Variants in PI4KB observed in about 807,000 individuals in gnomAD.
PI4KB encodes phosphatidylinositol 4-kinase beta.
PI4KB carries 23 observed loss-of-function variants against 81.4 expected under a neutral mutation model. The ratio of observed to expected loss-of-function variants is 0.28; its 90% confidence interval spans 0.20 to 0.40. The LOEUF is 0.40. PI4KB is among the 10% of genes least tolerant of loss of function. PI4KB has a pLI of 1.00. For missense variants in PI4KB, 651 were observed against 1,036.6 expected, an observed-to-expected ratio of 0.63 and a Z score of 5.11; for synonymous variants, 381 against 406.8, an observed-to-expected ratio of 0.94 and a Z score of 0.76.
intron 10 of PI4KB, 127 bp downstream of exon 10, chr1:151,294,282 C>T: frequency 6.8e-7 from 1 of 1,460,524 alleles, no homozygotes; most frequent in Middle Eastern, 2.1e-4. Flanking sequence ...CCCAGGAACT[C>T]CTGCCTCACC....
intron 6 of PI4KB, among the ~76,000 whole-genome samples, chr1:151,302,998 T>C (rs1468379451): frequency 7.0e-6 from 1 of 143,038 alleles, no homozygotes; most frequent in African/African-American, 2.6e-5. Flanking sequence ...CTTTCTTGTT[T>C]TTTTTTTTTT....
intron 1 of PI4KB, among the ~76,000 whole-genome samples, chr1:151,322,313 A>T (rs1382356094): frequency 6.6e-6 from 1 of 152,198 alleles, no homozygotes; most frequent in African/African-American, 2.4e-5. Flanking sequence ...AGATATACAC[A>T]TATGTTCTGT....
chr1:151,293,916 C>T (rs760448823), intron 11 of PI4KB, 102 bp downstream of exon 11: 1 of 1,314,352 alleles, frequency 7.6e-7, no homozygotes, highest in Non-Finnish European at 1.1e-6. Context: ...GAACCCCCCT[C>T]CCTCAACCGA....
rs12042270 is a variant in PI4KB at position 151,315,905 on chromosome 1, C to A, written c.577G>T (p.Ala193Ser). 6.2e-7 allele frequency: 1 copy of A among 1,614,038 alleles called. No homozygotes were observed. Among genetic ancestry groups the A allele is most frequent in the Non-Finnish European group, 8.5e-7 (1 of 1,179,954 alleles). The change falls in exon 2 of 12, where the codon GCC becomes TCC. Residue 193 changes from alanine to serine, a missense_variant. By Grantham distance (99) the Ala-to-Ser change is moderately conservative. Transcript: ENST00000368873. Reference sequence around the variant, plus strand: ...CGGTGGACTATGTAGGGCTTAATGGCATCACCCACGTCCTCATCCATGTGG... The same window carrying A: ...CGGTGGACTATGTAGGGCTTAATGGAATCACCCACGTCCTCATCCATGTGG... The part of the protein sequence containing the change: ...YIHMDEDVGD[A>S]IKPYIVHRCR...
At chr1:151,302,169 G>A (rs746347404) in intron 7 of PI4KB, 25 bp downstream of exon 7, 1 of 1,576,716 alleles carries the variant, frequency 6.3e-7, no homozygotes, top group African/African-American at 1.3e-5. Context: ...TTTGAGAGGG[G>A]TTCAGAGACC....
chr1:151,325,175 T>C lies in PI4KB; in HGVS notation c.-29+2096A>G, dbSNP rs372163241. Among the ~76,000 whole-genome samples, 8 of 152,086 alleles carry C rather than the reference T, an allele frequency of 5.3e-5. No homozygotes were observed. The East Asian group carries it at 9.7e-4, about 18-fold the overall frequency. On this transcript the variant is annotated intron_variant, in intron 1 of 11. Transcript: ENST00000368873. ...CCCGGCTAATTTTTTGTATTTTTAGTAGAGATGGGGTTTCACCATGTTGGC... is the reference window on the plus strand; with the variant it reads ...CCCGGCTAATTTTTTGTATTTTTAGCAGAGATGGGGTTTCACCATGTTGGC...
intron 3 of PI4KB, among the ~76,000 whole-genome samples, chr1:151,308,174 T>C (rs1207903380): frequency 6.6e-6 from 1 of 152,172 alleles, no homozygotes; most frequent in Non-Finnish European, 1.5e-5. Context: ...TACACCTGAA[T>C]TGTTTCACCC....
chr1:151,310,430 A>C (rs1557802669), intron 2 of PI4KB, among the ~76,000 whole-genome samples, 175 bp from the exon 3 acceptor site: 1 of 152,156 alleles, frequency 6.6e-6, no homozygotes, highest in South Asian at 2.1e-4. Context: ...CAGATGCTTG[A>C]CCACTTGTAG....
upstream of PI4KB, chr1:151,327,471 C>G (rs926001326): frequency 7.6e-6 from 3 of 396,960 alleles, no homozygotes; most frequent in Admixed American, 1.3e-4. Flanking sequence ...ACAAGTTCGA[C>G]CGGGCCACAC....
intron 4 of PI4KB, among the ~76,000 whole-genome samples, chr1:151,307,004 T>C (rs1018503712): frequency 3.4e-4 from 52 of 152,076 alleles, no homozygotes; most frequent in African/African-American, 1.2e-3. Context: ...GAACCTGGGT[T>C]GCGGAGGTTG....
chr1:151,300,732 C>G (rs1217769126), intron 8 of PI4KB: 1 of 152,240 alleles, frequency 6.6e-6, no homozygotes, highest in Non-Finnish European at 1.5e-5. Context: ...GATCCTGTTA[C>G]TGATGAGCAC....
intron 3 of PI4KB, among the ~76,000 whole-genome samples, chr1:151,309,892 T>C (rs1696062327): frequency 6.6e-6 from 1 of 152,178 alleles, no homozygotes; most frequent in South Asian, 2.1e-4. Flanking sequence ...TTGGCTCTAA[T>C]CCAGGAGTGA....
At chr1:151,321,391 T>C (rs1026256472) in intron 1 of PI4KB, among the ~76,000 whole-genome samples, 1 of 151,462 alleles carries the variant, frequency 6.6e-6, no homozygotes, top group Non-Finnish European at 1.5e-5. Context: ...ATTTTATTTA[T>C]TTTTTTGAGA....
intron 2 of PI4KB, 97 bp downstream of exon 2, chr1:151,315,476 C>G: frequency 2.5e-6 from 2 of 809,032 alleles, no homozygotes; most frequent in Non-Finnish European, 4.3e-6. Context: ...ACAGGGAGGA[C>G]AGAAAGAACA....
chr1:151,315,664 T>C lies in PI4KB; in HGVS notation c.818A>G (p.Gln273Arg), dbSNP rs771211131. ...GGCAGTGGCATCTGACTTAGAGCGC[T>C]GGTGAGTCCTTTTGGAGGGAGACAG... Reference protein sequence around the residue: ...TGLSPSKRTHQRSKSDATASI... With the variant: ...TGLSPSKRTHRRSKSDATASI... Residue 273 changes from glutamine to arginine, a missense_variant, in exon 2 of 12, where the codon CAG becomes CGG. Coordinates refer to ENST00000368873, the MANE Select transcript of PI4KB (RefSeq NM_001369623.2). 1 of 1,614,120 alleles carries C rather than the reference T, an allele frequency of 6.2e-7. No homozygotes were observed. The highest frequency in any genetic ancestry group is 8.5e-7 in the Non-Finnish European group (1 of 1,180,000).
At chr1:151,317,041 G>T (rs1648067398) in intron 1 of PI4KB, among the ~76,000 whole-genome samples, 1 of 151,970 alleles carries the variant, frequency 6.6e-6, no homozygotes, top group Middle Eastern at 3.2e-3. Flanking sequence ...TAGCCAGGAT[G>T]GTCTCCATCT....
chr1:151,315,018 G>A (rs906830242), intron 2 of PI4KB, among the ~76,000 whole-genome samples: 3 of 152,030 alleles, frequency 2.0e-5, no homozygotes, highest in East Asian at 1.9e-4. Context: ...TCACTCTGTC[G>A]CCCAAGCTGG....
intron 1 of PI4KB, chr1:151,326,136 G>A (rs1354648817): frequency 2.5e-6 from 4 of 1,601,880 alleles, no homozygotes; most frequent in Non-Finnish European, 2.6e-6. Context: ...TTTAACAAAA[G>A]CCTAAAATTA....
At chr1:151,297,605 T>C (rs1032606217) in intron 9 of PI4KB, among the ~76,000 whole-genome samples, 1 of 151,934 alleles carries the variant, frequency 6.6e-6, no homozygotes, top group Non-Finnish European at 1.5e-5. Flanking sequence ...TGGTGCCATC[T>C]TGGCCCACTG....
Sources: allele counts gnomAD v4.1 joint callset (sites outside exome capture counted in the v4.1 genomes callset), GRCh38; gene constraint gnomAD v4.1.1; transcripts MANE v1.5; gene names NCBI Gene and HGNC (gene_info 2026-07-23, HGNC 2026-07-21).